KCNQ1: variants seen among roughly 807,000 people sequenced by gnomAD.
The protein encoded by KCNQ1 is potassium voltage-gated channel subfamily Q member 1.
KCNQ1 carries 49 observed loss-of-function variants against 72.4 expected under a neutral mutation model. The observed-to-expected ratio is 0.68, with a 90% CI of 0.54 to 0.86. The LOEUF (loss-of-function observed/expected upper bound fraction) is 0.86. Ranked by LOEUF, KCNQ1 falls within the 40% of genes least tolerant of loss-of-function variation. KCNQ1 has a pLI of 0.00. For synonymous variants in KCNQ1, 450 were observed against 412.6 expected (o/e 1.09, Z -1.10); for missense variants, 790 against 945.1 (o/e 0.84, Z 2.15).
intron 15 of KCNQ1, among the ~76,000 whole-genome samples, chr11:2,798,132 C>G (rs28454393): frequency 0.034 from 5,180 of 152,046 alleles, 110 homozygotes; most frequent in South Asian, 0.11. Context: ...TCAGTGCCCC[C>G]ACTTGTGGCC....
chr11:2,810,432 G>A (rs1327922269), intron 15 of KCNQ1, among the ~76,000 whole-genome samples: 2 of 152,162 alleles, frequency 1.3e-5, no homozygotes, highest in Admixed American at 6.5e-5. Flanking sequence ...ACACTTTGAT[G>A]TCTCAACTTT....
intron 10 of KCNQ1, among the ~76,000 whole-genome samples, chr11:2,607,224 C>T (rs118072416): frequency 0.012 from 1,824 of 152,114 alleles, 53 homozygotes; most frequent in East Asian, 0.062. Flanking sequence ...TTAATAGATG[C>T]CCTTTATCAG....
chr11:2,659,331 G>GTCCTATAAATGGGA lies in KCNQ1; in HGVS notation c.1394-2621_1394-2608dup, dbSNP rs2133852757. 1 of 398,628 alleles carries GTCCTATAAATGGGA rather than the reference G, an allele frequency of 2.5e-6. No individual in the cohort carries two copies. The highest frequency in any genetic ancestry group is 3.6e-5 in the East Asian group (1 of 28,078). 24.7% of individuals were successfully genotyped at this position (398,628 alleles called of 1,614,324 possible). A position where few individuals can be genotyped will look rare whatever the true frequency, so the allele number is the denominator to read the frequency against. ...CCCTGTAGTTTTGTTTTTCTAGAAT[G>GTCCTATAAATGGGA]TCCTATAAATGGGATCCTATAATAT... is the stretch of plus-strand genomic sequence containing the variant. On this transcript the variant is annotated intron_variant, in intron 10 of 15. Transcript: ENST00000155840. The surrounding 1 kb of genome is among the most constrained non-coding windows in gnomAD (Gnocchi z 4.3).
chr11:2,675,945 C>A, intron 11 of KCNQ1: 1 of 398,658 alleles, frequency 2.5e-6, no homozygotes. Context: ...CATGGTAAAA[C>A]CAATTCAGAG....
chr11:2,838,445 GGTTA>G (rs1206690799), intron 15 of KCNQ1, among the ~76,000 whole-genome samples: 1 of 113,144 alleles, frequency 8.8e-6, no homozygotes, highest in East Asian at 2.0e-4. Flanking sequence ...AGCCACTGAG[GGTTA>G]GAGCCTATGA....
intron 11 of KCNQ1, chr11:2,693,800 A>G: frequency 2.5e-6 from 1 of 398,798 alleles, no homozygotes; most frequent in East Asian, 3.6e-5. Flanking sequence ...GGAGCATGGC[A>G]CAGGCTGATA....
In KCNQ1 at chr11:2,554,941, C is replaced by G. The variant is rs181103467; in HGVS notation, c.478-15687C>G. On this transcript the variant is annotated intron_variant, in intron 2 of 15. Transcript: ENST00000155840. The stretch of plus-strand genomic sequence containing the variant: ...ATTAAAATCTCTAGATTTGCAGAAT[C>G]AGAGTGAGGTACTCAGCAGTCAGAA... Among the ~76,000 whole-genome samples the G allele has an allele frequency of 1.1e-3, 167 of 152,358 alleles. 1 individual carries two copies. The highest frequency in any genetic ancestry group is 1.8e-4 in the Non-Finnish European group (12 of 68,046).
chr11:2,650,360 T>C (rs377368203), intron 10 of KCNQ1: 11 of 398,514 alleles, frequency 2.8e-5, no homozygotes, highest in African/African-American at 2.3e-4. Context: ...AGTTGATATC[T>C]GCATATCTGG....
chr11:2,755,778 G>A (rs1222869293), intron 11 of KCNQ1, among the ~76,000 whole-genome samples: 1 of 152,274 alleles, frequency 6.6e-6, no homozygotes, highest in Non-Finnish European at 1.5e-5. Context: ...AAGAATTGGT[G>A]TATGTATAAC....
chr11:2,816,013 A>G lies in KCNQ1; in HGVS notation c.1795-31754A>G, dbSNP rs163176. 1.1e-3 allele frequency among the ~76,000 whole-genome samples: 168 copies of G among 152,308 alleles called. No homozygotes were observed. Among genetic ancestry groups the G allele is most frequent in the African/African-American group, 3.8e-3 (157 of 41,572 alleles). ...AGGGCTCTGGGGAGTCCAAGTGTGCACACAGTCCTGGGTGAGGGCTCCGTT... is the reference window on the plus strand; with the variant it reads ...AGGGCTCTGGGGAGTCCAAGTGTGCGCACAGTCCTGGGTGAGGGCTCCGTT... On this transcript the variant is annotated intron_variant, in intron 15 of 15. Coordinates refer to ENST00000155840, the MANE Select transcript of KCNQ1 (RefSeq NM_000218.3). This position sits in a 1 kb window ranked among gnomAD's most constrained non-coding sequence, Gnocchi z 6.8.
At chr11:2,790,333 C>T (rs1846996873) in intron 15 of KCNQ1, among the ~76,000 whole-genome samples, 6 of 152,236 alleles carry the variant, frequency 3.9e-5, no homozygotes, top group Admixed American at 3.9e-4. Flanking sequence ...GCAGCAGTGC[C>T]CTAGCCTGGC....
intron 15 of KCNQ1, among the ~76,000 whole-genome samples, chr11:2,820,182 C>A (rs1847701274): frequency 2.0e-5 from 3 of 152,018 alleles, no homozygotes; most frequent in African/African-American, 7.2e-5. Flanking sequence ...TATTTTCAAT[C>A]TTTTTTATTT....
Position 2,479,642 on chromosome 11 carries a change from C to T in KCNQ1, c.386+34158C>T, listed in dbSNP as rs1183651023. Among the ~76,000 whole-genome samples the T allele has an allele frequency of 1.3e-5, 2 of 152,196 alleles. No individual in the cohort carries two copies. The highest frequency in any genetic ancestry group is 2.4e-5 in the African/African-American group (1 of 41,454). On this transcript the variant is annotated intron_variant, in intron 1 of 15. Coordinates refer to ENST00000155840, the MANE Select transcript of KCNQ1 (RefSeq NM_000218.3). This position sits in a 1 kb window ranked among gnomAD's most constrained non-coding sequence, Gnocchi z 4.6. ...CATTTTTGCCTCCTAGGCCTCTGGG[C>T]CTGGGATGGGAGGGGCTGCTCCTAA...
chr11:2,653,014 T>G lies in KCNQ1; in HGVS notation c.1394-8947T>G. 5.0e-6 allele frequency: 2 copies of G among 398,670 alleles called. No individual in the cohort carries two copies. Among genetic ancestry groups the G allele is most frequent in the Non-Finnish European group, 8.8e-6 (2 of 226,068 alleles). 24.7% of individuals were successfully genotyped at this position (398,670 alleles called of 1,614,324 possible). A position where few individuals can be genotyped will look rare whatever the true frequency, so the allele number is the denominator to read the frequency against. On this transcript the variant is annotated intron_variant, in intron 10 of 15. Coordinates refer to ENST00000155840, the MANE Select transcript of KCNQ1 (RefSeq NM_000218.3). This position sits in a 1 kb window ranked among gnomAD's most constrained non-coding sequence, Gnocchi z 5.3. ...ACTGTCATGCTTGAGGCAAATCTATTCTGCACACCTTTGATCCAATGTGAG... is the reference window on the plus strand; with the variant it reads ...ACTGTCATGCTTGAGGCAAATCTATGCTGCACACCTTTGATCCAATGTGAG...
chr11:2,558,425 C>G (rs113892768), intron 2 of KCNQ1, among the ~76,000 whole-genome samples: 20 of 152,176 alleles, frequency 1.3e-4, no homozygotes, highest in African/African-American at 3.6e-4. Context: ...GGTCTCCAGG[C>G]GGGGGGGTCC....
chr11:2,717,053 GC>G (rs1386146570), intron 11 of KCNQ1, among the ~76,000 whole-genome samples: 1 of 152,210 alleles, frequency 6.6e-6, no homozygotes, highest in Non-Finnish European at 1.5e-5. Flanking sequence ...CAGATGTCCT[GC>G]CCTCTGGTGC....
At chr11:2,448,028 C>T (rs1407341797) in intron 1 of KCNQ1, among the ~76,000 whole-genome samples, 1 of 152,228 alleles carries the variant, frequency 6.6e-6, no homozygotes, top group Non-Finnish European at 1.5e-5. Context: ...TTCCTGCCCC[C>T]AACACCCCCA....
intron 10 of KCNQ1, chr11:2,643,870 A>G (rs1849619546): frequency 5.0e-6 from 2 of 398,470 alleles, no homozygotes. Context: ...TAAGTACAGT[A>G]TTCCTGGCTG....
intron 11 of KCNQ1, chr11:2,666,827 T>C: frequency 2.5e-6 from 1 of 398,680 alleles, no homozygotes; most frequent in South Asian, 1.3e-4. Context: ...GAAAGGACAT[T>C]CTGGGAACCA....
Sources: gnomAD v4.1 joint callset for allele counts (sites outside exome capture counted in the v4.1 genomes callset) on GRCh38, gnomAD v4.1.1 for gene constraint, Gnocchi (gnomAD v3.1) non-coding constraint, MANE v1.5 for transcripts, NCBI Gene and HGNC (gene_info 2026-07-23, HGNC 2026-07-21) for gene names.